ARID1B: variants seen among roughly 807,000 people sequenced by gnomAD.
ARID1B encodes AT-rich interaction domain 1B.
Under a neutral mutation model 212.3 loss-of-function variants are expected in ARID1B, and 30 were observed. The observed-to-expected ratio is 0.14, with a 90% CI of 0.11 to 0.19. The LOEUF (loss-of-function observed/expected upper bound fraction) is 0.19, where lower values mean the gene tolerates loss of function less well. Among genes scored for constraint, ARID1B ranks in the 10% least tolerant of loss-of-function variants. The pLI, the probability that ARID1B is intolerant of heterozygous loss-of-function variation, is 1.00. For synonymous variants in ARID1B, 1,402 were observed against 1,301.7 expected (o/e 1.08, Z -1.66); for missense variants, 2,891 against 3,204.0 (o/e 0.90, Z 2.36).
chr6:156,959,260 A>G (rs530300601), intron 4 of ARID1B, among the ~76,000 whole-genome samples: 1 of 152,322 alleles, frequency 6.6e-6, no homozygotes, highest in East Asian at 1.9e-4. Flanking sequence ...CCAAAATCGT[A>G]GATGCTCAAG....
chr6:156,819,895 G>C (rs1562409928), intron 1 of ARID1B, among the ~76,000 whole-genome samples: 1 of 152,208 alleles, frequency 6.6e-6, no homozygotes, highest in African/African-American at 2.4e-5. Flanking sequence ...GGTTTTTCTA[G>C]AGCCCTGTGG....
intron 2 of ARID1B, among the ~76,000 whole-genome samples, chr6:156,886,141 A>G (rs1052646431): frequency 3.9e-5 from 6 of 152,218 alleles, no homozygotes; most frequent in African/African-American, 1.4e-4. Context: ...GGGACATTCT[A>G]CCCATACTTT....
chr6:157,115,360 T>C (rs532263163), intron 6 of ARID1B, among the ~76,000 whole-genome samples: 1 of 152,348 alleles, frequency 6.6e-6, no homozygotes, highest in South Asian at 2.1e-4. Context: ...TATTGCCTCC[T>C]CTACATCTTC....
At chr6:157,172,045 GT>G (rs1428657971) in intron 9 of ARID1B, among the ~76,000 whole-genome samples, 2 of 152,212 alleles carry the variant, frequency 1.3e-5, no homozygotes, top group African/African-American at 2.4e-5. Flanking sequence ...CTCTGGAATT[GT>G]TTTGGCTGTC....
rs1778800903 is a variant in ARID1B, at chr6:156,778,219, CCCACCACCTCCA to C, written c.548_559del (p.Leu183_His186del). The stretch of plus-strand genomic sequence containing the variant: ...CATGCCCACCACCACCACCACCATG[CCCACCACCTCCA>C]CCACCACCACGCACTACAGCAGCAG... On this transcript the variant is annotated inframe_deletion, in exon 1 of 20. Coordinates refer to ENST00000636930, the MANE Select transcript of ARID1B (RefSeq NM_001374828.1). The C allele has an allele frequency of 3.2e-6, 5 of 1,538,898 alleles. No individual in the cohort carries two copies. The East Asian group carries it at 1.2e-4, about 38-fold the overall frequency.
rs533210250 is a variant in ARID1B at position 156,836,367 on chromosome 6, C to T, written c.1986+6946C>T. 2.8e-4 allele frequency among the ~76,000 whole-genome samples: 43 copies of T among 152,234 alleles called. 3 individuals are homozygous for T. In the South Asian group the frequency reaches 8.5e-3, roughly 30 times the overall value. On this transcript the variant is annotated intron_variant, in intron 2 of 19. Coordinates refer to ENST00000636930, the MANE Select transcript of ARID1B (RefSeq NM_001374828.1). ...TGTGAGTCAGGGTATTAGAGGGAGGCTACGTGGGCAAGCGGGGGCAGCTCA... is the reference window on the plus strand; with the variant it reads ...TGTGAGTCAGGGTATTAGAGGGAGGTTACGTGGGCAAGCGGGGGCAGCTCA...
intron 4 of ARID1B, chr6:157,036,526 G>C (rs1488614303): frequency 3.6e-6 from 1 of 274,492 alleles, no homozygotes. Context: ...ATTTAGGTGA[G>C]AAGGATGATT....
At chr6:156,815,088 CCA>C (rs1781869004) in intron 1 of ARID1B, among the ~76,000 whole-genome samples, 1 of 152,066 alleles carries the variant, frequency 6.6e-6, no homozygotes, top group East Asian at 1.9e-4. Context: ...CTTTGTGTCT[CCA>C]TTGTAAATTC....
chr6:156,860,477 C>T (rs550526080), intron 2 of ARID1B, among the ~76,000 whole-genome samples: 140 of 151,994 alleles, frequency 9.2e-4, no homozygotes, highest in African/African-American at 3.3e-3. Flanking sequence ...ACAAGAAGAC[C>T]ATTAAATCGT....
At chr6:157,039,718 C>CCTTCCTTCCTTCCTTCTTT in intron 4 of ARID1B, among the ~76,000 whole-genome samples, 1 of 102,726 alleles carries the variant, frequency 9.7e-6, no homozygotes, top group East Asian at 3.3e-4. Flanking sequence ...TTCTTTCCTT[C>CCTTCCTTCCTTCCTTCTTT]CTTTCTTTCT....
chr6:157,125,527 T>C (rs148266921), intron 6 of ARID1B, among the ~76,000 whole-genome samples: 117 of 152,342 alleles, frequency 7.7e-4, no homozygotes, highest in African/African-American at 2.8e-3. Context: ...CTGGTTGCAG[T>C]GGAGCCTCTC....
At chr6:156,899,157 T>C (rs979239482) in intron 2 of ARID1B, among the ~76,000 whole-genome samples, 1 of 152,236 alleles carries the variant, frequency 6.6e-6, no homozygotes, top group African/African-American at 2.4e-5. Context: ...GGCATCTATA[T>C]GACTTAGGAA....
chr6:156,778,578 G>A lies in ARID1B; in HGVS notation c.898G>A (p.Val300Met), dbSNP rs1778865731. ...ALGTQQPPVA[V>M]PGGGGGPAAV... ...GGGCACGCAGCAGCCGCCGGTCGCC[G>A]TGCCCGGGGGCGGCGGCGGCCCGGC... The change falls in exon 1 of 20, where the codon GTG (valine) becomes ATG (methionine). Residue 300 changes from valine (V) to methionine (M), a missense_variant. By Grantham distance (21) the Val-to-Met change is conservative. Around this residue, in one of 7 missense-constraint regions of ARID1B, gnomAD observed 1,643 missense variants for 1,544.0 expected, o/e 1.06. Coordinates refer to ENST00000636930, the MANE Select transcript of ARID1B (RefSeq NM_001374828.1). 1.7e-4 allele frequency: 218 copies of A among 1,255,406 alleles called. No individual in the cohort carries two copies. The highest frequency in any genetic ancestry group is 2.1e-4 in the Non-Finnish European group (212 of 1,002,484). The allele number at this position is 1,255,406 out of a possible 1,614,324, so 77.8% of individuals were successfully genotyped here.
At chr6:157,112,347 C>T (rs768007879) in intron 6 of ARID1B, among the ~76,000 whole-genome samples, 4 of 151,542 alleles carry the variant, frequency 2.6e-5, no homozygotes, top group South Asian at 4.2e-4. Context: ...GCCAAGCAAG[C>T]GTGATTCTTA....
intron 5 of ARID1B, among the ~76,000 whole-genome samples, chr6:157,096,270 C>T (rs1481561361): frequency 6.6e-6 from 1 of 152,156 alleles, no homozygotes; most frequent in Non-Finnish European, 1.5e-5. Flanking sequence ...AAGAACAGTG[C>T]CTGGCAAGTA....
intron 2 of ARID1B, among the ~76,000 whole-genome samples, chr6:156,875,705 C>T (rs1786491120): frequency 6.6e-6 from 1 of 152,128 alleles, no homozygotes; most frequent in South Asian, 2.1e-4. Context: ...AAAGAAGTGG[C>T]AAAGAAAGCT....
At chr6:157,045,590 G>A (rs1782180752) in intron 4 of ARID1B, among the ~76,000 whole-genome samples, 1 of 152,004 alleles carries the variant, frequency 6.6e-6, no homozygotes, top group South Asian at 2.1e-4. Flanking sequence ...AATTTACTTG[G>A]CTAACTCTCT....
intron 1 of ARID1B, among the ~76,000 whole-genome samples, chr6:156,792,633 T>TA (rs1780088558): frequency 6.6e-6 from 1 of 152,160 alleles, no homozygotes; most frequent in African/African-American, 2.4e-5. Context: ...GTTATAAGAA[T>TA]AATGGGTCTG....
At position 156,778,241 on chromosome 6, in the gene ARID1B, C is replaced by G; in HGVS notation, c.561C>G (p.His187Gln). The G allele has an allele frequency of 3.9e-6, 6 of 1,541,188 alleles. No homozygotes were observed. The highest frequency in any genetic ancestry group is 5.2e-6 in the Non-Finnish European group (6 of 1,146,418). ...ATGCCCACCACCTCCACCACCACCA[C>G]GCACTACAGCAGCAGCTAAACCAGT... ...HHHAHHLHHH[H>Q]ALQQQLNQFQ... Residue 187 changes from histidine (H) to glutamine (Q), a missense_variant, in exon 1 of 20, where the codon CAC becomes CAG. Transcript: ENST00000636930.
Sources: allele counts gnomAD v4.1 joint callset (sites outside exome capture counted in the v4.1 genomes callset), GRCh38; gene constraint gnomAD v4.1.1; regional missense constraint gnomAD v4.1.1; transcripts MANE v1.5; gene names NCBI Gene and HGNC (gene_info 2026-07-23, HGNC 2026-07-21).